The following RIMBP2 variants were observed in gnomAD, a reference collection of about 807,000 sequenced individuals.
The protein encoded by RIMBP2 is RIMS binding protein 2.
In RIMBP2, 48 loss-of-function variants were observed where a neutral mutation model predicts 118.6. The observed-to-expected ratio is 0.40, with a 90% confidence interval of 0.32 to 0.51. RIMBP2 has a LOEUF of 0.51. Among genes scored for constraint, RIMBP2 ranks in the 20% least tolerant of loss-of-function variants. The pLI, the probability that RIMBP2 is intolerant of heterozygous loss-of-function variation, is 0.41. For synonymous variants in RIMBP2, 762 were observed against 742.9 expected (o/e 1.03, Z -0.42); for missense variants, 1,551 against 1,768.3 (o/e 0.88, Z 2.20).
intron 4 of RIMBP2, among the ~76,000 whole-genome samples, chr12:130,486,367 G>A (rs1258958636): frequency 6.6e-6 from 1 of 152,058 alleles, no homozygotes; most frequent in East Asian, 1.9e-4. Context: ...AATCCTGGAG[G>A]GGCCACGGCT....
intron 2 of RIMBP2, among the ~76,000 whole-genome samples, chr12:130,585,614 CAAAA>C (rs60707391): frequency 1.4e-4 from 17 of 122,986 alleles, no homozygotes; most frequent in African/African-American, 9.1e-5. Context: ...GACCCTGTCT[CAAAA>C]AAAAAAAAAA....
chr12:130,610,415 G>T (rs962159246), intron 2 of RIMBP2, among the ~76,000 whole-genome samples: 1 of 152,152 alleles, frequency 6.6e-6, no homozygotes, highest in African/African-American at 2.4e-5. Context: ...CTCCATGCTT[G>T]TATAATACTT....
At chr12:130,627,965 C>G (rs773990324) in intron 2 of RIMBP2, among the ~76,000 whole-genome samples, 2 of 152,212 alleles carry the variant, frequency 1.3e-5, no homozygotes, top group Non-Finnish European at 2.9e-5. Flanking sequence ...TCAATCACTA[C>G]TCTCTGGACA....
At chr12:130,453,410 C>A (rs1171138928) in intron 7 of RIMBP2, among the ~76,000 whole-genome samples, 1 of 152,258 alleles carries the variant, frequency 6.6e-6, no homozygotes, top group Non-Finnish European at 1.5e-5. Context: ...CACCTTCCAC[C>A]ATCCTCTCTC....
At chr12:130,492,375 G>C (rs1265985623) in intron 4 of RIMBP2, among the ~76,000 whole-genome samples, 1 of 149,038 alleles carries the variant, frequency 6.7e-6, no homozygotes, top group Admixed American at 6.8e-5. Flanking sequence ...GTCTATTTCA[G>C]CCCAAGTATT....
At position 130,621,259 on chromosome 12, in the gene RIMBP2, G is replaced by A. The variant is rs577638801; in HGVS notation, c.-217+7063C>T. ...GGATCCTCCCCATGAGAGAAAAGCA[G>A]GGGGCACGTGCCATGGTCGTACACA... On this transcript the variant is annotated intron_variant, in intron 2 of 22. Coordinates refer to ENST00000690449, the MANE Select transcript of RIMBP2 (RefSeq NM_001393629.1). The surrounding 1 kb of genome is among the most constrained non-coding windows in gnomAD (Gnocchi z 6.6). 3.9e-5 allele frequency among the ~76,000 whole-genome samples: 6 copies of A among 152,270 alleles called. No individual in the cohort carries two copies. The East Asian group carries it at 7.7e-4, about 20-fold the overall frequency.
intron 1 of RIMBP2, among the ~76,000 whole-genome samples, chr12:130,700,614 C>T (rs1175925682): frequency 6.6e-6 from 1 of 152,202 alleles, no homozygotes; most frequent in Non-Finnish European, 1.5e-5. Context: ...CAAGGAACAC[C>T]TGGAGCCACT....
intron 2 of RIMBP2, among the ~76,000 whole-genome samples, chr12:130,577,927 G>C (rs188739491): frequency 1.3e-5 from 2 of 152,258 alleles, no homozygotes; most frequent in African/African-American, 4.8e-5. Context: ...ACTATATGCC[G>C]ATTAGCTTGA....
intron 2 of RIMBP2, among the ~76,000 whole-genome samples, chr12:130,522,492 G>A (rs1456118177): frequency 2.0e-5 from 3 of 152,178 alleles, no homozygotes; most frequent in Non-Finnish European, 1.5e-5. Context: ...TGGGACACTG[G>A]GTTTCCATCC....
intron 1 of RIMBP2, among the ~76,000 whole-genome samples, chr12:130,645,213 G>GC (rs1594132640): frequency 6.6e-6 from 1 of 151,872 alleles, no homozygotes; most frequent in South Asian, 2.1e-4. Context: ...CCCGCCTCAG[G>GC]TCCCCGAGTA....
chr12:130,641,667 C>T (rs534884862), intron 1 of RIMBP2, among the ~76,000 whole-genome samples: 16 of 152,306 alleles, frequency 1.1e-4, no homozygotes, highest in African/African-American at 3.4e-4. Flanking sequence ...AAACAAACTG[C>T]GCCTGTGTTG....
At chr12:130,646,317 C>G (rs202021740) in intron 1 of RIMBP2, among the ~76,000 whole-genome samples, 1,032 of 88,304 alleles carry the variant, frequency 0.012, 359 homozygotes, top group Non-Finnish European at 0.019. Flanking sequence ...CTCACCACTT[C>G]CCTCTCCACC....
intron 4 of RIMBP2, among the ~76,000 whole-genome samples, chr12:130,491,567 G>A (rs890911111): frequency 1.3e-5 from 2 of 152,142 alleles, no homozygotes; most frequent in African/African-American, 4.8e-5. Flanking sequence ...TGCACTTCTG[G>A]GGGGCAATCG....
chr12:130,681,297 A>AT (rs2064772852), intron 1 of RIMBP2, among the ~76,000 whole-genome samples: 2 of 150,932 alleles, frequency 1.3e-5, no homozygotes, highest in African/African-American at 4.8e-5. Flanking sequence ...ATAAAAAATA[A>AT]AAATAAATGC....
intron 4 of RIMBP2, among the ~76,000 whole-genome samples, chr12:130,479,906 C>T (rs925763473): frequency 1.3e-5 from 2 of 151,748 alleles, no homozygotes; most frequent in African/African-American, 4.8e-5. Context: ...CTCTGCGGGC[C>T]CTTCCCTCCC....
intron 7 of RIMBP2, among the ~76,000 whole-genome samples, chr12:130,455,275 C>T (rs970575221): frequency 2.5e-4 from 38 of 152,242 alleles, no homozygotes; most frequent in African/African-American, 8.4e-4. Flanking sequence ...TCTTGGCAGC[C>T]GCCTTCCAGG....
intron 2 of RIMBP2, among the ~76,000 whole-genome samples, chr12:130,527,888 G>A (rs942870175): frequency 1.3e-5 from 2 of 152,116 alleles, no homozygotes; most frequent in Admixed American, 6.5e-5. Context: ...AAACCACAAT[G>A]AGATACCATC....
chr12:130,546,881 T>C (rs1204937951), intron 2 of RIMBP2, among the ~76,000 whole-genome samples: 1 of 152,224 alleles, frequency 6.6e-6, no homozygotes, highest in Non-Finnish European at 1.5e-5. Flanking sequence ...CTGGCAACCC[T>C]GGCCTATTTC....
chr12:130,466,728 G>A (rs192297979), intron 6 of RIMBP2, among the ~76,000 whole-genome samples: 8 of 152,296 alleles, frequency 5.3e-5, no homozygotes, highest in East Asian at 1.9e-4. Flanking sequence ...AAACAGTTCC[G>A]CTGAAGTTCA....
Sources: allele counts gnomAD v4.1 joint callset (sites outside exome capture counted in the v4.1 genomes callset), GRCh38; gene constraint gnomAD v4.1.1; non-coding constraint Gnocchi (gnomAD v3.1); transcripts MANE v1.5; gene names NCBI Gene and HGNC (gene_info 2026-07-23, HGNC 2026-07-21).